Variants in RASGRP4 observed in about 807,000 individuals in gnomAD.
RASGRP4 encodes the protein RAS guanyl-releasing protein 4.
In RASGRP4, 52 loss-of-function variants were observed where a neutral mutation model predicts 84.4. The ratio of observed to expected loss-of-function variants is 0.62; its 90% confidence interval spans 0.49 to 0.78. The LOEUF is 0.78. Ranked by LOEUF, RASGRP4 falls within the 30% of genes least tolerant of loss-of-function variation. RASGRP4 has a pLI of 0.00. For synonymous variants in RASGRP4, 356 were observed against 359.1 expected (o/e 0.99, Z 0.10); for missense variants, 760 against 886.9 (o/e 0.86, Z 1.82).
chr19:38,416,643 T>C (rs1471185694), intron 8 of RASGRP4, among the ~76,000 whole-genome samples: 1 of 152,084 alleles, frequency 6.6e-6, no homozygotes, highest in African/African-American at 2.4e-5. Flanking sequence ...ACCCAGATTT[T>C]ATCAAGGGTG....
chr19:38,412,860 C>G lies in RASGRP4; in HGVS notation c.1536-44G>C. 2 of 1,612,322 alleles carry G rather than the reference C, an allele frequency of 1.2e-6. No individual in the cohort carries two copies. The highest frequency in any genetic ancestry group is 1.7e-6 in the Non-Finnish European group (2 of 1,178,846). The stretch of plus-strand genomic sequence containing the variant: ...CCTCAGCATGACCTGCCCCAACGTC[C>G]TCCAGACCCAGGAGTCCAGGCAACC... On this transcript the variant is annotated intron_variant, in intron 12 of 16. Coordinates refer to ENST00000615439, the MANE Select transcript of RASGRP4 (RefSeq NM_170604.3). This position sits in a 1 kb window ranked among gnomAD's most constrained non-coding sequence, Gnocchi z 4.6.
rs1374316286 is a variant in RASGRP4 at position 38,413,276 on chromosome 19, G to A, written c.1333C>T (p.Pro445Ser). 6.2e-7 allele frequency: 1 copy of A among 1,613,832 alleles called. No individual in the cohort carries two copies. The highest frequency in any genetic ancestry group is 1.1e-5 in the South Asian group (1 of 91,078). The change falls in exon 11 of 17, where the codon CCT becomes TCT. Residue 445 changes from proline to serine, a missense_variant. Coordinates refer to ENST00000615439, the MANE Select transcript of RASGRP4 (RefSeq NM_170604.3). This position sits in a 1 kb window ranked among gnomAD's most constrained non-coding sequence, Gnocchi z 4.7. Reference protein sequence around the residue: ...KSLPPSPFNAPLVVEWAPGVT... With the variant: ...KSLPPSPFNASLVVEWAPGVT... ...CCAGGGGCCCACTCCACCACCAGAG[G>A]TGCATTGAAGGGGGAGGGTGGCTGG... is the stretch of plus-strand genomic sequence containing the variant.
At position 38,426,193 on chromosome 19, in the gene RASGRP4, C is replaced by A; in HGVS notation, c.-102G>T. 2 of 950,454 alleles carry A rather than the reference C, an allele frequency of 2.1e-6. No homozygotes were observed. The highest frequency in any genetic ancestry group is 2.8e-6 in the Non-Finnish European group (2 of 719,612). 58.9% of individuals were successfully genotyped at this position (950,454 alleles called of 1,614,324 possible). The stretch of plus-strand genomic sequence containing the variant: ...CTTCTCAGCCCCTAGGGAGCTGGGG[C>A]CTCCTCGGTGCTTGGGAAGGAAAGA... On this transcript the variant is annotated 5_prime_UTR_variant, in exon 1 of 17. Coordinates refer to ENST00000615439, the MANE Select transcript of RASGRP4 (RefSeq NM_170604.3).
At position 38,412,165 on chromosome 19, in the gene RASGRP4, C is replaced by T. The variant is rs1971290061; in HGVS notation, c.1680+507G>A. On this transcript the variant is annotated intron_variant, in intron 13 of 16. Transcript: ENST00000615439. The surrounding 1 kb of genome is among the most constrained non-coding windows in gnomAD (Gnocchi z 4.6). ...ACAGAATCTCGCTCTGTCACCCAAGCTGGAGTGCAGTGCTGCGATCTTGGC... is the reference window on the plus strand; with the variant it reads ...ACAGAATCTCGCTCTGTCACCCAAGTTGGAGTGCAGTGCTGCGATCTTGGC... Among the ~76,000 whole-genome samples, 1 of 152,056 alleles carries T rather than the reference C, an allele frequency of 6.6e-6. No homozygotes were observed. Among genetic ancestry groups the T allele is most frequent in the South Asian group, 2.1e-4 (1 of 4,828 alleles).
chr19:38,411,305 G>A (rs370206263), intron 14 of RASGRP4, 40 bp downstream of exon 14: 85 of 1,611,070 alleles, frequency 5.3e-5, no homozygotes, highest in East Asian at 4.5e-5. Flanking sequence ...TCCAGCCTGC[G>A]GGCCAAGGCT....
intron 8 of RASGRP4, among the ~76,000 whole-genome samples, chr19:38,416,463 C>CAAA (rs765219678): frequency 2.9e-4 from 17 of 58,630 alleles, no homozygotes; most frequent in South Asian, 8.1e-4. Context: ...GACTCTGTCT[C>CAAA]AAAAAAAAAA....
chr19:38,411,547 G>A (rs755747956), intron 13 of RASGRP4, 166 bp from the exon 14 acceptor site: 6 of 700,978 alleles, frequency 8.6e-6, no homozygotes, highest in Non-Finnish European at 1.4e-5. Context: ...AGTGGCTCAT[G>A]CCAGTAATCC....
chr19:38,418,321 A>C lies in RASGRP4; in HGVS notation c.837+70T>G. The C allele has an allele frequency of 6.7e-7, 1 of 1,492,474 alleles. No individual in the cohort carries two copies. The highest frequency in any genetic ancestry group is 9.1e-7 in the Non-Finnish European group (1 of 1,095,876). The allele number at this position is 1,492,474 out of a possible 1,614,324, so 92.5% of individuals were successfully genotyped here. A position where few individuals can be genotyped will look rare whatever the true frequency, so the allele number is the denominator to read the frequency against. On this transcript the variant is annotated intron_variant, in intron 7 of 16. Coordinates refer to ENST00000615439, the MANE Select transcript of RASGRP4 (RefSeq NM_170604.3). The surrounding 1 kb of genome is among the most constrained non-coding windows in gnomAD (Gnocchi z 4.6). ...CCGCCGGGATGACCCTGTGGGGTCG[A>C]GGGTCTGGAAGGGGAAGGACCAGGT... is the stretch of plus-strand genomic sequence containing the variant.
chr19:38,417,231 G>T lies in RASGRP4; in HGVS notation c.838-63C>A. 1 of 1,056,132 alleles carries T rather than the reference G, an allele frequency of 9.5e-7. No individual in the cohort carries two copies. Among genetic ancestry groups the T allele is most frequent in the South Asian group, 1.4e-5 (1 of 73,860 alleles). 65.4% of individuals were successfully genotyped at this position (1,056,132 alleles called of 1,614,324 possible). ...GGGAGGGCAAGTCAGGAGTTCAGAT[G>T]ACAGCATCCCAGTTGAGGTGGGGTC... On this transcript the variant is annotated intron_variant, in intron 7 of 16. Coordinates refer to ENST00000615439, the MANE Select transcript of RASGRP4 (RefSeq NM_170604.3). This position sits in a 1 kb window ranked among gnomAD's most constrained non-coding sequence, Gnocchi z 5.1.
rs199697303 is a variant in RASGRP4 at position 38,421,178 on chromosome 19, G to C, written c.231C>G (p.His77Gln). 1.4e-4 allele frequency: 218 copies of C among 1,613,542 alleles called. 1 individual carries two copies. Among genetic ancestry groups the C allele is most frequent in the Non-Finnish European group, 1.8e-4 (214 of 1,179,716 alleles). The change falls in exon 3 of 17, where the codon CAC (histidine) becomes CAG (glutamine). Residue 77 changes from histidine (H) to glutamine (Q), a missense_variant. Transcript: ENST00000615439. ...QSFDSAGSLC[H>Q]EDHMLNMVLA... is the part of the protein sequence containing the mutation. ...GCACCATGTTGAGCATGTGGTCCTC[G>C]TGGCACAGGCTGCCAGCTGAATCTG...
Position 38,420,181 on chromosome 19 carries a change from C to T in RASGRP4, c.459G>A (p.Val153=). The T allele has an allele frequency of 1.9e-6, 3 of 1,613,510 alleles. No individual in the cohort carries two copies. Among genetic ancestry groups the T allele is most frequent in the Non-Finnish European group, 2.5e-6 (3 of 1,179,712 alleles). Residue 153 remains valine, a synonymous_variant, in exon 5 of 17, where the codon GTG becomes GTA. Transcript: ENST00000615439. The part of the protein sequence containing the change: ...EEVIGRFWAT[V]AREGNSAQRR... Reference sequence around the variant, plus strand: ...TCTGGGCTGAGTTGCCCTCCCGGGCCACGGTGGCCCAGAAACGACCTATGA... The same window carrying T: ...TCTGGGCTGAGTTGCCCTCCCGGGCTACGGTGGCCCAGAAACGACCTATGA...
chr19:38,415,908 A>G (rs985309408), intron 8 of RASGRP4, among the ~76,000 whole-genome samples: 19 of 151,200 alleles, frequency 1.3e-4, no homozygotes, highest in Middle Eastern at 3.5e-3. Flanking sequence ...AAAATACAAA[A>G]ATTAACTGGG....
chr19:38,422,575 C>T (rs542335387), intron 1 of RASGRP4, among the ~76,000 whole-genome samples: 2 of 152,232 alleles, frequency 1.3e-5, no homozygotes, highest in African/African-American at 4.8e-5. Context: ...TTGTGAACTT[C>T]ACATGCGAGG....
At chr19:38,420,759 C>A (rs1971709180) in intron 4 of RASGRP4, 149 bp downstream of exon 4, 2 of 728,490 alleles carry the variant, frequency 2.7e-6, no homozygotes, top group Non-Finnish European at 4.8e-6. Context: ...AGGAACCAAG[C>A]TACAGGTGTC....
At chr19:38,424,227 C>A (rs1971890372) in intron 1 of RASGRP4, among the ~76,000 whole-genome samples, 1 of 152,020 alleles carries the variant, frequency 6.6e-6, no homozygotes, top group Non-Finnish European at 1.5e-5. Context: ...TCAAGCAATT[C>A]TCCTGCCTCA....
intron 8 of RASGRP4, among the ~76,000 whole-genome samples, chr19:38,415,453 A>C (rs1600557756): frequency 7.4e-6 from 1 of 134,670 alleles, no homozygotes; most frequent in South Asian, 2.3e-4. Context: ...GCTTACTGCC[A>C]CCTCCACCTC....
intron 6 of RASGRP4, among the ~76,000 whole-genome samples, chr19:38,419,295 G>A (rs776279579): frequency 2.0e-5 from 3 of 152,206 alleles, no homozygotes; most frequent in Non-Finnish European, 4.4e-5. Context: ...GGCAGGAACT[G>A]TGCATATCCC....
rs1971582620 is a variant in RASGRP4 at position 38,418,194 on chromosome 19, G to A, written c.837+197C>T. 6.6e-6 allele frequency among the ~76,000 whole-genome samples: 1 copy of A among 151,954 alleles called. No individual in the cohort carries two copies. Among genetic ancestry groups the A allele is most frequent in the South Asian group, 2.1e-4 (1 of 4,814 alleles). On this transcript the variant is annotated intron_variant, in intron 7 of 16. Coordinates refer to ENST00000615439, the MANE Select transcript of RASGRP4 (RefSeq NM_170604.3). This position sits in a 1 kb window ranked among gnomAD's most constrained non-coding sequence, Gnocchi z 4.6. ...AGGGCCAAGGGGTGGGGCCACGGTG[G>A]GTGCGACGCGGTGACATCAAGGCCA...
rs1467408880 is a variant in RASGRP4 at position 38,411,123 on chromosome 19, G to C, written c.1844C>G (p.Ala615Gly). ...APVPSTPAPH[A>G]SCGSEENHSY... ...TGTGCTCTAGGTCTTACCACAGCTG[G>C]CATGGGGAGCTGGTGTGGATGGGAC... The change falls in exon 15 of 17, where the codon GCC becomes GGC. Residue 615 changes from alanine to glycine, a missense_variant. Physicochemically the swap from Ala to Gly is moderately conservative, Grantham distance 60 (BLOSUM62 0). Transcript: ENST00000615439. The C allele has an allele frequency of 6.2e-7, 1 of 1,613,566 alleles. No individual in the cohort carries two copies. The highest frequency in any genetic ancestry group is 8.5e-7 in the Non-Finnish European group (1 of 1,179,730).
Sources: gnomAD v4.1 joint callset for allele counts (sites outside exome capture counted in the v4.1 genomes callset) on GRCh38, gnomAD v4.1.1 for gene constraint, Gnocchi (gnomAD v3.1) non-coding constraint, MANE v1.5 for transcripts, NCBI Gene and HGNC (gene_info 2026-07-23, HGNC 2026-07-21) for gene names.